SKOR2: variants seen among roughly 807,000 people sequenced by gnomAD.
The protein encoded by SKOR2 is SKI family transcriptional corepressor 2.
SKOR2 carries 47 observed loss-of-function variants against 69.1 expected under a neutral mutation model. The ratio of observed to expected loss-of-function variants is 0.68; its 90% CI spans 0.54 to 0.87. The LOEUF (loss-of-function observed/expected upper bound fraction) is 0.87. SKOR2 is among the 40% of genes least tolerant of loss of function. The pLI is 0.00. For missense variants in SKOR2, 1,404 were observed against 1,472.2 expected, an observed-to-expected ratio of 0.95 and a Z score of 0.76; for synonymous variants, 717 against 672.6, an observed-to-expected ratio of 1.07 and a Z score of -1.02.
Position 47,211,793 on chromosome 18 carries a change from G to A in SKOR2, c.*3+293C>T, listed in dbSNP as rs574366464. Reference sequence around the variant, plus strand: ...TGGTTTCCTTGGGGCAGTAACTGGGGTGTCAGAACCATAAAGAGCAGAAAA... The same window carrying A: ...TGGTTTCCTTGGGGCAGTAACTGGGATGTCAGAACCATAAAGAGCAGAAAA... On this transcript the variant is annotated intron_variant, in intron 8 of 8. Transcript: ENST00000425639. 4.6e-5 allele frequency among the ~76,000 whole-genome samples: 7 copies of A among 152,308 alleles called. No homozygotes were observed. In the South Asian group the frequency reaches 1.5e-3, roughly 32 times the overall value.
intron 6 of SKOR2, among the ~76,000 whole-genome samples, chr18:47,222,441 T>C (rs1484001022): frequency 6.6e-6 from 1 of 152,160 alleles, no homozygotes; most frequent in East Asian, 1.9e-4. Flanking sequence ...CAGTAACAAT[T>C]AGGCGAAAGG....
At chr18:47,232,128 C>CA (rs1164159159) in intron 4 of SKOR2, among the ~76,000 whole-genome samples, 1 of 150,558 alleles carries the variant, frequency 6.6e-6, no homozygotes, top group African/African-American at 2.4e-5. Flanking sequence ...GACCCTGTCT[C>CA]AAAAAAACAA....
At chr18:47,210,571 T>C (rs1247385554) in intron 8 of SKOR2, among the ~76,000 whole-genome samples, 1 of 152,232 alleles carries the variant, frequency 6.6e-6, no homozygotes, top group African/African-American at 2.4e-5. Flanking sequence ...TATCTTGATA[T>C]TCTAAGTTAA....
At position 47,249,139 on chromosome 18, in the gene SKOR2, C is replaced by A; in HGVS notation, c.45G>T (p.Ala15=). 6.5e-7 allele frequency: 1 copy of A among 1,535,732 alleles called. No individual in the cohort carries two copies. Among genetic ancestry groups the A allele is most frequent in the South Asian group, 1.2e-5 (1 of 84,004 alleles). The change falls in exon 2 of 9, where the codon GCG becomes GCT. Residue 15 remains alanine (A), a synonymous_variant. Coordinates refer to ENST00000425639, the MANE Select transcript of SKOR2 (RefSeq NM_001278063.4). ...CGGGCTGGAAGGCGCTCGACGGCGACGCCAGCAGGATGTCGTTGGGCCCTG... is the reference window on the plus strand; with the variant it reads ...CGGGCTGGAAGGCGCTCGACGGCGAAGCCAGCAGGATGTCGTTGGGCCCTG... ...PLPGPNDILL[A]SPSSAFQPDT... is the part of the protein sequence containing the mutation.
At chr18:47,221,280 A>G (rs2064160405) in intron 6 of SKOR2, among the ~76,000 whole-genome samples, 1 of 152,176 alleles carries the variant, frequency 6.6e-6, no homozygotes, top group Non-Finnish European at 1.5e-5. Context: ...TTTTGATGTC[A>G]AAGTCACTGT....
chr18:47,235,793 A>AAC (rs1555658957), intron 4 of SKOR2, among the ~76,000 whole-genome samples: 124 of 150,932 alleles, frequency 8.2e-4, no homozygotes, highest in African/African-American at 1.4e-3. Context: ...AAAAAAAAAA[A>AAC]AAAAAAAACA....
chr18:47,230,910 C>G, intron 5 of SKOR2, 25 bp downstream of exon 5: 4 of 1,401,390 alleles, frequency 2.9e-6, no homozygotes, highest in Non-Finnish European at 3.8e-6. Flanking sequence ...AAGAGAAGTT[C>G]TACAGAATTG....
chr18:47,246,959 T>G lies in SKOR2; in HGVS notation c.2225A>C (p.Gln742Pro), dbSNP rs1414778803. Residue 742 changes from glutamine (Q) to proline (P), a missense_variant, in exon 2 of 9, where the codon CAG becomes CCG. Transcript: ENST00000425639. The stretch of plus-strand genomic sequence containing the variant: ...CTTGTGGCCCTCCACGTCCACCTCC[T>G]GCTCTTCTTCCTCGTCGTCCTCGTC... ...SEDEDDEEEEQEVDVEGHKPP... is the reference protein window; with the variant it reads ...SEDEDDEEEEPEVDVEGHKPP... The G allele has an allele frequency of 6.7e-7, 1 of 1,498,954 alleles. No homozygotes were observed. Among genetic ancestry groups the G allele is most frequent in the Admixed American group, 2.1e-5 (1 of 46,658 alleles). 92.9% of individuals were successfully genotyped at this position (1,498,954 alleles called of 1,614,324 possible).
At position 47,246,946 on chromosome 18, in the gene SKOR2, C is replaced by T; in HGVS notation, c.2238G>A (p.Val746=). ...CGCCCTCGGGGGGCTTGTGGCCCTC[C>T]ACGTCCACCTCCTGCTCTTCTTCCT... ...DDEEEEQEVD[V]EGHKPPEGEE... Residue 746 remains valine, a synonymous_variant, in exon 2 of 9, where the codon GTG becomes GTA. Transcript: ENST00000425639. 3.3e-6 allele frequency: 5 copies of T among 1,497,678 alleles called. No individual in the cohort carries two copies. Among genetic ancestry groups the T allele is most frequent in the Non-Finnish European group, 4.4e-6 (5 of 1,130,048 alleles). The allele number at this position is 1,497,678 out of a possible 1,614,324, so 92.8% of individuals were successfully genotyped here.
At position 47,231,118 on chromosome 18, in the gene SKOR2, A is replaced by AGTCCTCATAACCAAATGTT. The variant is rs557118529; in HGVS notation, c.2753-137_2753-119dup. 8.9e-5 allele frequency: 137 copies of AGTCCTCATAACCAAATGTT among 1,536,068 alleles called. No homozygotes were observed. In the East Asian group the frequency reaches 3.2e-3, roughly 36 times the overall value. ...TTATTTAATATAACCTGAAATTGGA[A>AGTCCTCATAACCAAATGTT]GTCCTCATAACCAAATGTTGTCCTC... On this transcript the variant is annotated intron_variant, in intron 4 of 8. Coordinates refer to ENST00000425639, the MANE Select transcript of SKOR2 (RefSeq NM_001278063.4).
chr18:47,250,596 TC>T (rs1306200963), intron 1 of SKOR2, among the ~76,000 whole-genome samples: 1 of 152,180 alleles, frequency 6.6e-6, no homozygotes, highest in Non-Finnish European at 1.5e-5. Flanking sequence ...ACGATCTTAC[TC>T]CCTCACCCAA....
Position 47,230,574 on chromosome 18 carries a change from G to C in SKOR2, c.2819-17C>G. The stretch of plus-strand genomic sequence containing the variant: ...GAAGTTCTTCTAATAAAAAAAAGAA[G>C]AGTCATTTTACTAATCTTTACAAAT... On this transcript the variant is annotated splice_polypyrimidine_tract_variant and intron_variant, in intron 5 of 8. Transcript: ENST00000425639. 1 of 1,365,590 alleles carries C rather than the reference G, an allele frequency of 7.3e-7. No homozygotes were observed. The highest frequency in any genetic ancestry group is 1.5e-5 in the African/African-American group (1 of 67,576). 84.6% of individuals were successfully genotyped at this position (1,365,590 alleles called of 1,614,324 possible).
Position 47,247,678 on chromosome 18 carries a change from G to T in SKOR2, c.1506C>A (p.Ser502Arg). The change falls in exon 2 of 9, where the codon AGC becomes AGA. Residue 502 changes from serine (S) to arginine (R), a missense_variant. Around this residue, in one of 3 missense-constraint regions of SKOR2, gnomAD observed 1,266 missense variants for 1,309.9 expected, o/e 0.97. Coordinates refer to ENST00000425639, the MANE Select transcript of SKOR2 (RefSeq NM_001278063.4). The surrounding 1 kb of genome is among the most constrained non-coding windows in gnomAD (Gnocchi z 6.6). The part of the protein sequence containing the change: ...PSALGCALGE[S>R]PALLRQAFLD... Reference sequence around the variant, plus strand: ...GGAAGGCCTGGCGCAGCAGGGCCGGGCTTTCGCCTAGCGCGCAGCCTAGCG... The same window carrying T: ...GGAAGGCCTGGCGCAGCAGGGCCGGTCTTTCGCCTAGCGCGCAGCCTAGCG... 1 of 1,372,490 alleles carries T rather than the reference G, an allele frequency of 7.3e-7. No individual in the cohort carries two copies. Among genetic ancestry groups the T allele is most frequent in the African/African-American group, 1.5e-5 (1 of 65,736 alleles). 85.0% of individuals were successfully genotyped at this position (1,372,490 alleles called of 1,614,324 possible). A position where few individuals can be genotyped will look rare whatever the true frequency, so the allele number is the denominator to read the frequency against.
At chr18:47,222,955 A>T (rs556215408) in intron 6 of SKOR2, among the ~76,000 whole-genome samples, 9 of 151,908 alleles carry the variant, frequency 5.9e-5, no homozygotes, top group East Asian at 3.9e-4. Flanking sequence ...ATAATGGCAA[A>T]TTTTTTTTTA....
intron 4 of SKOR2, among the ~76,000 whole-genome samples, chr18:47,235,780 CAAA>C (rs11433396): frequency 8.1e-4 from 48 of 59,294 alleles, no homozygotes; most frequent in African/African-American, 2.2e-3. Flanking sequence ...CACAAACAAG[CAAA>C]AAAAAAAAAA....
intron 1 of SKOR2, 103 bp from the exon 2 acceptor site, chr18:47,249,333 GT>G: frequency 9.0e-7 from 1 of 1,110,230 alleles, no homozygotes; most frequent in Non-Finnish European, 1.2e-6. Flanking sequence ...TCTTGCTTTG[GT>G]TAAGACACGA....
chr18:47,227,398 C>T (rs1229991408), intron 6 of SKOR2, among the ~76,000 whole-genome samples: 7 of 125,548 alleles, frequency 5.6e-5, no homozygotes, highest in Admixed American at 2.1e-4. Context: ...AGGGCAGTGG[C>T]GTGATCTCGG....
chr18:47,222,993 G>T (rs1438944405), intron 6 of SKOR2, among the ~76,000 whole-genome samples: 1 of 152,002 alleles, frequency 6.6e-6, no homozygotes, highest in Non-Finnish European at 1.5e-5. Flanking sequence ...AGCATAAAAG[G>T]CAAAAACTGA....
intron 6 of SKOR2, among the ~76,000 whole-genome samples, chr18:47,220,641 T>C (rs1600028232): frequency 6.6e-6 from 1 of 152,204 alleles, no homozygotes; most frequent in Non-Finnish European, 1.5e-5. Context: ...TTAAGAGATA[T>C]TGTCATGCAA....
Sources: gnomAD v4.1 joint callset for allele counts (sites outside exome capture counted in the v4.1 genomes callset) on GRCh38, gnomAD v4.1.1 for gene constraint, gnomAD v4.1.1 regional missense constraint, Gnocchi (gnomAD v3.1) non-coding constraint, MANE v1.5 for transcripts, NCBI Gene and HGNC (gene_info 2026-07-23, HGNC 2026-07-21) for gene names.